The following CADM1 variants were observed in gnomAD, a reference collection of about 807,000 sequenced individuals.
CADM1 encodes TSLC-1.
CADM1 carries 15 observed loss-of-function variants against 53.1 expected under a neutral mutation model. The ratio of observed to expected loss-of-function variants is 0.28; its 90% CI spans 0.19 to 0.44. The LOEUF (loss-of-function observed/expected upper bound fraction) is 0.44, where lower values mean the gene tolerates loss of function less well. CADM1 is among the 20% of genes least tolerant of loss of function. The pLI is 1.00. For missense variants in CADM1, 434 were observed against 611.3 expected, an observed-to-expected ratio of 0.71 and a Z score of 3.06; for synonymous variants, 281 against 243.0, an observed-to-expected ratio of 1.16 and a Z score of -1.45.
intron 1 of CADM1, among the ~76,000 whole-genome samples, chr11:115,385,159 C>A (rs1946669020): frequency 6.9e-6 from 1 of 145,702 alleles, no homozygotes; most frequent in African/African-American, 2.5e-5. Flanking sequence ...GCTGAACAGC[C>A]TTTATTTGTA....
At chr11:115,457,003 C>T (rs2135363702) in intron 1 of CADM1, among the ~76,000 whole-genome samples, 1 of 152,224 alleles carries the variant, frequency 6.6e-6, no homozygotes. Flanking sequence ...CCTGTTAATT[C>T]CTGATTGTTA....
chr11:115,244,597 A>T lies in CADM1; in HGVS notation c.125-4177T>A, dbSNP rs751812376. Among the ~76,000 whole-genome samples the T allele has an allele frequency of 1.9e-4, 29 of 152,312 alleles. 1 individual carries two copies. The Middle Eastern group carries it at 0.017, about 89-fold the overall frequency. On this transcript the variant is annotated intron_variant, in intron 1 of 11. Coordinates refer to ENST00000331581, the MANE Select transcript of CADM1 (RefSeq NM_001301043.2). Reference sequence around the variant, plus strand: ...CAGAGCGATTTAAATAAACTGCCTGATGTCATTCAGCTAAGTGGCCAAGCT... The same window carrying T: ...CAGAGCGATTTAAATAAACTGCCTGTTGTCATTCAGCTAAGTGGCCAAGCT...
intron 9 of CADM1, among the ~76,000 whole-genome samples, chr11:115,196,797 A>G (rs1467754014): frequency 5.3e-5 from 8 of 152,174 alleles, no homozygotes; most frequent in Admixed American, 1.3e-4. Context: ...AAACTTAAGT[A>G]TCTTAAAAAG....
At chr11:115,244,633 C>G (rs564420578) in intron 1 of CADM1, among the ~76,000 whole-genome samples, 1 of 152,284 alleles carries the variant, frequency 6.6e-6, no homozygotes, top group Middle Eastern at 3.4e-3. Flanking sequence ...GATGCTTGAA[C>G]CCGGTTCTAT....
chr11:115,351,876 G>A (rs1565381380), intron 1 of CADM1, among the ~76,000 whole-genome samples: 2 of 152,160 alleles, frequency 1.3e-5, no homozygotes, highest in Non-Finnish European at 2.9e-5. Context: ...AAGATGAGGA[G>A]GAAGAAAGAC....
At position 115,176,428 on chromosome 11, in the gene CADM1, T is replaced by C. The variant is rs374411065; in HGVS notation, c.*46A>G. On this transcript the variant is annotated 3_prime_UTR_variant, in exon 12 of 12. Coordinates refer to ENST00000331581, the MANE Select transcript of CADM1 (RefSeq NM_001301043.2). ...TTCCAATATCACTGTCTCTTTATCA[T>C]CTAAATAGGGCCAGTTGGACACCTC... The C allele has an allele frequency of 9.3e-6, 15 of 1,610,874 alleles. No individual in the cohort carries two copies. The Admixed American group carries it at 1.0e-4, about 11-fold the overall frequency.
intron 1 of CADM1, among the ~76,000 whole-genome samples, chr11:115,278,147 C>T (rs1943493226): frequency 6.6e-6 from 1 of 152,048 alleles, no homozygotes; most frequent in Admixed American, 6.6e-5. Context: ...ATCATTTCTG[C>T]CTCTTTAAAT....
chr11:115,323,512 C>A (rs1037451370), intron 1 of CADM1, among the ~76,000 whole-genome samples: 1 of 152,064 alleles, frequency 6.6e-6, no homozygotes, highest in Non-Finnish European at 1.5e-5. Context: ...AGCCAACAGC[C>A]CATTTCCCAA....
At chr11:115,288,871 A>T (rs973075060) in intron 1 of CADM1, among the ~76,000 whole-genome samples, 1 of 152,112 alleles carries the variant, frequency 6.6e-6, no homozygotes, top group Admixed American at 6.5e-5. Context: ...TAACCTTCCC[A>T]TCTTGACCTT....
intron 1 of CADM1, among the ~76,000 whole-genome samples, chr11:115,428,046 G>A (rs919132992): frequency 3.7e-4 from 56 of 150,314 alleles, no homozygotes; most frequent in Non-Finnish European, 6.9e-4. Context: ...GTAATTAAAG[G>A]GGATGTCCAC....
In CADM1 at chr11:115,452,820, A is replaced by G. The variant is rs182771321; in HGVS notation, c.124+51451T>C. ...AGTACAAAGTTTACATTGGTGAGAA[A>G]TATCACTTCTGGGTAAAATCTATTA... On this transcript the variant is annotated intron_variant, in intron 1 of 11. Coordinates refer to ENST00000331581, the MANE Select transcript of CADM1 (RefSeq NM_001301043.2). Among the ~76,000 whole-genome samples the G allele has an allele frequency of 1.4e-4, 21 of 152,290 alleles. No individual in the cohort carries two copies. The East Asian group carries it at 3.9e-3, about 28-fold the overall frequency.
chr11:115,300,309 T>C (rs958154432), intron 1 of CADM1, among the ~76,000 whole-genome samples: 4 of 152,110 alleles, frequency 2.6e-5, no homozygotes, highest in African/African-American at 9.7e-5. Context: ...AAATAGAAGA[T>C]AGAAACTCTT....
chr11:115,425,321 G>C (rs1447994597), intron 1 of CADM1, among the ~76,000 whole-genome samples: 3 of 152,184 alleles, frequency 2.0e-5, no homozygotes, highest in Non-Finnish European at 2.9e-5. Context: ...TACAGTAGCA[G>C]CATTTAACAG....
intron 5 of CADM1, among the ~76,000 whole-genome samples, chr11:115,219,273 C>G (rs1231782940): frequency 6.6e-6 from 1 of 152,188 alleles, no homozygotes; most frequent in Non-Finnish European, 1.5e-5. Context: ...CCAATCTCAT[C>G]TTGTACACAG....
intron 1 of CADM1, among the ~76,000 whole-genome samples, chr11:115,438,524 TA>T (rs148570903): frequency 4.0e-5 from 6 of 151,108 alleles, no homozygotes; most frequent in Admixed American, 2.0e-4. Context: ...TTGGGAAATG[TA>T]AAAAAAAATA....
At chr11:115,317,997 CA>C (rs1944716951) in intron 1 of CADM1, among the ~76,000 whole-genome samples, 1 of 151,752 alleles carries the variant, frequency 6.6e-6, no homozygotes, top group Non-Finnish European at 1.5e-5. Flanking sequence ...CACACACACA[CA>C]CACACACACA....
chr11:115,404,381 ATATATATG>A (rs1947257941), intron 1 of CADM1, among the ~76,000 whole-genome samples: 1 of 120,100 alleles, frequency 8.3e-6, no homozygotes, highest in Non-Finnish European at 1.7e-5. Context: ...ATATATATAT[ATATATATG>A]GCCCATTTGC....
At chr11:115,289,456 C>G (rs1234499) in intron 1 of CADM1, among the ~76,000 whole-genome samples, 152,301 of 152,302 alleles carry the variant, frequency 1, 76,150 homozygotes, top group Middle Eastern at 1. Context: ...ACGATCTACA[C>G]TGACACTGTT....
intron 1 of CADM1, among the ~76,000 whole-genome samples, chr11:115,337,589 G>A (rs566896423): frequency 6.6e-5 from 10 of 152,108 alleles, no homozygotes; most frequent in African/African-American, 1.9e-4. Context: ...CTTTACTAAT[G>A]TTTTTTCTTA....
Sources: allele counts gnomAD v4.1 joint callset (sites outside exome capture counted in the v4.1 genomes callset), GRCh38; gene constraint gnomAD v4.1.1; transcripts MANE v1.5; gene names NCBI Gene and HGNC (gene_info 2026-07-23, HGNC 2026-07-21).